Variants in TAF7L observed in about 807,000 individuals in gnomAD.
The protein encoded by TAF7L is TATA-box binding protein associated factor 7 like, also known as transcription initiation factor TFIID subunit 7-like.
Under a neutral mutation model 30.2 loss-of-function variants are expected in TAF7L, and 6 were observed. The observed-to-expected ratio is 0.20, with a 90% CI of 0.11 to 0.39. TAF7L has a LOEUF of 0.39. Ranked by LOEUF, TAF7L falls within the 10% of genes least tolerant of loss-of-function variation. The pLI is 1.00. For missense variants in TAF7L, 284 were observed against 277.1 expected, an observed-to-expected ratio of 1.03 and a Z score of -0.18; for synonymous variants, 93 against 94.5, an observed-to-expected ratio of 0.98 and a Z score of 0.09.
Position 101,276,586 on chromosome X carries a change from C to T in TAF7L, c.692-58G>A. The T allele has an allele frequency of 5.4e-6, 6 of 1,120,746 alleles. No individual in the cohort carries two copies. The South Asian group carries it at 1.2e-4, about 22-fold the overall frequency. 92.4% of individuals were successfully genotyped at this position (1,120,746 alleles called of 1,213,427 possible). On this transcript the variant is annotated intron_variant, in intron 9 of 12. Transcript: ENST00000356784. ...TCTAAAACTCTGCAAATGACTCATA[C>T]TCCAGATATAATTATACTCCTTTCA...
At chrX:101,282,535 G>T in intron 4 of TAF7L, 82 bp from the exon 5 acceptor site, 1 of 1,028,207 alleles carries the variant, frequency 9.7e-7, no homozygotes, top group East Asian at 3.1e-5. Flanking sequence ...CACTAGAAAT[G>T]CACAGAAGAG....
intron 12 of TAF7L, among the ~76,000 whole-genome samples, chrX:101,273,459 C>T (rs1186052867): frequency 1.8e-5 from 2 of 110,045 alleles, no homozygotes; most frequent in African/African-American, 3.3e-5. Context: ...CATGGTGGCA[C>T]GTGCCTGTAG....
intron 4 of TAF7L, 23 bp from the exon 5 acceptor site, chrX:101,282,476 A>G (rs1602958177): frequency 7.4e-6 from 9 of 1,209,662 alleles, no homozygotes; most frequent in Non-Finnish European, 1.0e-5. Flanking sequence ...AAGACAAAGA[A>G]GTTGACTATG....
At chrX:101,278,970 G>T (rs1454405669) in intron 7 of TAF7L, 24 bp downstream of exon 7, 5 of 1,176,072 alleles carry the variant, frequency 4.3e-6, no homozygotes, top group African/African-American at 1.8e-5. Flanking sequence ...GGGTAAAAAT[G>T]AAGTTATATT....
intron 12 of TAF7L, among the ~76,000 whole-genome samples, chrX:101,270,724 A>G (rs183987631): frequency 9.0e-6 from 1 of 111,240 alleles, no homozygotes; most frequent in East Asian, 2.8e-4. Context: ...AATCCAATCA[A>G]TTGTTAAGCT....
In TAF7L at chrX:101,282,462, AACAAAG is replaced by A; in HGVS notation, c.280-15_280-10del. ...GCAGTGCACACAAGCATCTACATTTAACAAAGACAAAGAAGTTGACTATGACCACGA... is the reference window on the plus strand; with the variant it reads ...GCAGTGCACACAAGCATCTACATTTAACAAAGAAGTTGACTATGACCACGA... On this transcript the variant is annotated splice_polypyrimidine_tract_variant and intron_variant, in intron 4 of 12. Coordinates refer to ENST00000356784, the MANE Select transcript of TAF7L (RefSeq NM_001168474.2). 1 of 1,209,980 alleles carries A rather than the reference AACAAAG, an allele frequency of 8.3e-7. No individual in the cohort carries two copies. Among genetic ancestry groups the A allele is most frequent in the South Asian group, 1.8e-5 (1 of 56,585 alleles).
intron 12 of TAF7L, among the ~76,000 whole-genome samples, chrX:101,271,273 T>C (rs367786854): frequency 5.4e-5 from 6 of 111,991 alleles, no homozygotes; most frequent in Non-Finnish European, 9.4e-5. Context: ...TACTTAACAA[T>C]GGGGATATGT....
intron 8 of TAF7L, 66 bp from the exon 9 acceptor site, chrX:101,277,785 G>C: frequency 3.8e-6 from 3 of 791,572 alleles, no homozygotes. Flanking sequence ...AAAGGGAAGG[G>C]GCTCTTTGGC....
intron 12 of TAF7L, among the ~76,000 whole-genome samples, chrX:101,274,737 TCTTA>T (rs1392642673): frequency 1.8e-5 from 2 of 111,530 alleles, no homozygotes; most frequent in Non-Finnish European, 3.8e-5. Context: ...TACATAATTG[TCTTA>T]CTTGTTTTTA....
rs750505301 is a variant in TAF7L, at chrX:101,270,349, C to T, written c.1087-1112G>A. On this transcript the variant is annotated intron_variant, in intron 12 of 12. Transcript: ENST00000356784. Reference sequence around the variant, plus strand: ...CTACCAAGCCACAATAATTGCTGTCCGCAGTAACTTAGAGGCTCTTCTCAC... The same window carrying T: ...CTACCAAGCCACAATAATTGCTGTCTGCAGTAACTTAGAGGCTCTTCTCAC... Among the ~76,000 whole-genome samples the T allele has an allele frequency of 6.3e-5, 7 of 111,364 alleles. No homozygotes were observed. In the South Asian group the frequency reaches 1.9e-3, roughly 31 times the overall value.
Position 101,269,218 on chromosome X carries a change from T to G in TAF7L, c.1106A>C (p.Gln369Pro). The change falls in exon 13 of 13, where the codon CAG (glutamine) becomes CCG (proline). Residue 369 changes from glutamine (Q) to proline (P), a missense_variant. Physicochemically the swap from Gln to Pro is moderately conservative, Grantham distance 76 (BLOSUM62 -1). Transcript: ENST00000356784. ...KNEKLISLQEQLQRFLKK is the reference protein window; with the variant it reads ...KNEKLISLQEPLQRFLKK The stretch of plus-strand genomic sequence containing the variant: ...TCACTTCTTCAGAAAACGCTGCAAC[T>G]GTTCCTGTAGGGAAATGAGCTGTAG... 8.3e-7 allele frequency: 1 copy of G among 1,209,453 alleles called. No individual in the cohort carries two copies. The highest frequency in any genetic ancestry group is 1.1e-6 in the Non-Finnish European group (1 of 894,078).
chrX:101,273,276 TAATC>T (rs1924033870), intron 12 of TAF7L, among the ~76,000 whole-genome samples: 1 of 111,518 alleles, frequency 9.0e-6, no homozygotes, highest in South Asian at 3.8e-4. Context: ...CTCCAGATAA[TAATC>T]AGAGTAACCT....
intron 1 of TAF7L, among the ~76,000 whole-genome samples, chrX:101,288,165 A>G (rs1910767682): frequency 9.3e-6 from 1 of 107,060 alleles, no homozygotes; most frequent in Non-Finnish European, 1.9e-5. Flanking sequence ...TTTTCAAGAC[A>G]GAGTCTCGCT....
At chrX:101,281,814 A>T in intron 5 of TAF7L, 39 bp from the exon 6 acceptor site, 1 of 1,108,246 alleles carries the variant, frequency 9.0e-7, no homozygotes, top group Non-Finnish European at 1.2e-6. Flanking sequence ...TATATGACTG[A>T]TGGTAGTCAC....
At chrX:101,287,410 C>T in intron 2 of TAF7L, 68 bp downstream of exon 2, 1 of 835,307 alleles carries the variant, frequency 1.2e-6, no homozygotes, top group African/African-American at 2.1e-5. Flanking sequence ...TGTCAGAATC[C>T]AAGTAGAACT....
intron 3 of TAF7L, among the ~76,000 whole-genome samples, chrX:101,283,802 A>G (rs1444975614): frequency 1.8e-5 from 2 of 112,085 alleles, no homozygotes; most frequent in African/African-American, 6.5e-5. Context: ...CTTGTGCAAA[A>G]GTAGCTAAGT....
chrX:101,276,395 A>G lies in TAF7L; in HGVS notation c.825T>C (p.Asp275=), dbSNP rs1924178525. The part of the protein sequence containing the change: ...EDEDKEEEEE[D]CSEEYLERQL... Reference sequence around the variant, plus strand: ...GCCTTTCCAGATACTCTTCAGAACAATCTTCCTCCTCCTCTTCTTTGTCTT... The same window carrying G: ...GCCTTTCCAGATACTCTTCAGAACAGTCTTCCTCCTCCTCTTCTTTGTCTT... The change falls in exon 10 of 13, where the codon GAT becomes GAC. Residue 275 remains aspartate (D), a synonymous_variant. Coordinates refer to ENST00000356784, the MANE Select transcript of TAF7L (RefSeq NM_001168474.2). The G allele has an allele frequency of 1.7e-6, 2 of 1,207,478 alleles. No homozygotes were observed. The highest frequency in any genetic ancestry group is 2.2e-5 in the Admixed American group (1 of 45,366).
intron 1 of TAF7L, among the ~76,000 whole-genome samples, chrX:101,290,197 AAAAACAAAAC>A (rs763682311): frequency 2.7e-5 from 3 of 110,888 alleles, no homozygotes; most frequent in Admixed American, 1.9e-4. Flanking sequence ...ACTCCTTCTC[AAAAACAAAAC>A]AAAACAAAAC....
chrX:101,284,789 T>TA (rs61103229), intron 3 of TAF7L, among the ~76,000 whole-genome samples: 41,349 of 104,969 alleles, frequency 0.39, 6,398 homozygotes, highest in African/African-American at 0.5. Context: ...TTCTCTGTAT[T>TA]AAAAAAAAAA....
Sources: allele counts gnomAD v4.1 joint callset (sites outside exome capture counted in the v4.1 genomes callset), GRCh38; gene constraint gnomAD v4.1.1; transcripts MANE v1.5; gene names NCBI Gene and HGNC (gene_info 2026-07-23, HGNC 2026-07-21).